Variants in ABCG2 observed in about 807,000 individuals in gnomAD.
The protein encoded by ABCG2 is broad substrate specificity ATP-binding cassette transporter ABCG2.
ABCG2 carries 80 observed loss-of-function variants against 73.5 expected under a neutral mutation model. That is an observed-to-expected ratio of 1.09 (90% CI 0.91 to 1.31). The LOEUF is 1.31. ABCG2 is among the 50% of genes most tolerant of loss of function. The pLI, the probability that ABCG2 is intolerant of heterozygous loss-of-function variation, is 0.00. For missense variants in ABCG2, 796 were observed against 786.2 expected, an observed-to-expected ratio of 1.01 and a Z score of -0.15; for synonymous variants, 269 against 282.4, an observed-to-expected ratio of 0.95 and a Z score of 0.48.
intron 1 of ABCG2, among the ~76,000 whole-genome samples, chr4:88,204,194 G>A (rs1174576901): frequency 6.6e-6 from 1 of 152,148 alleles, no homozygotes; most frequent in Admixed American, 6.5e-5. Context: ...GGCTGAGGCG[G>A]GCAGATCACG....
chr4:88,172,772 G>A (rs1429659999), intron 1 of ABCG2, among the ~76,000 whole-genome samples: 1 of 152,008 alleles, frequency 6.6e-6, no homozygotes, highest in Non-Finnish European at 1.5e-5. Context: ...GCCCAAGATG[G>A]AAATGTATTC....
intron 1 of ABCG2, among the ~76,000 whole-genome samples, chr4:88,198,962 GTA>G (rs559613101): frequency 1.8e-4 from 27 of 150,738 alleles, no homozygotes; most frequent in East Asian, 5.8e-4. Context: ...ATGTGTGTGT[GTA>G]TATATATATA....
chr4:88,205,671 T>TTTTA (rs146987121), intron 1 of ABCG2, among the ~76,000 whole-genome samples: 2,735 of 150,438 alleles, frequency 0.018, 28 homozygotes, highest in Middle Eastern at 0.038. Flanking sequence ...TCATTTTATC[T>TTTTA]TTTATTTATT....
chr4:88,198,327 C>T (rs1729020777), intron 1 of ABCG2, among the ~76,000 whole-genome samples: 2 of 150,936 alleles, frequency 1.3e-5, no homozygotes, highest in South Asian at 4.2e-4. Context: ...AGCAAGACTC[C>T]ATCTCCAAAA....
intron 2 of ABCG2, among the ~76,000 whole-genome samples, chr4:88,139,313 G>A (rs1427708794): frequency 1.3e-5 from 2 of 151,990 alleles, no homozygotes; most frequent in East Asian, 1.9e-4. Flanking sequence ...TTGTACAGTG[G>A]GACAATCATC....
intron 10 of ABCG2, among the ~76,000 whole-genome samples, chr4:88,103,208 A>G (rs1722556228): frequency 6.6e-6 from 1 of 152,254 alleles, no homozygotes; most frequent in South Asian, 2.1e-4. Context: ...ATTTCAGAAC[A>G]TGGAACATAG....
At chr4:88,218,896 G>A (rs1263992335) in intron 1 of ABCG2, among the ~76,000 whole-genome samples, 1 of 152,152 alleles carries the variant, frequency 6.6e-6, no homozygotes, top group Non-Finnish European at 1.5e-5. Context: ...TAGGCTTGTG[G>A]GCCATGCAGT....
chr4:88,219,705 C>T (rs1183142319), intron 1 of ABCG2, among the ~76,000 whole-genome samples: 2 of 151,070 alleles, frequency 1.3e-5, no homozygotes, highest in Non-Finnish European at 1.5e-5. Context: ...TCTCAGCCTC[C>T]CCAGCAGCTG....
intron 10 of ABCG2, 104 bp downstream of exon 10, chr4:88,107,080 G>T (rs751424169): frequency 6.0e-6 from 5 of 832,492 alleles, no homozygotes; most frequent in South Asian, 1.8e-5. Context: ...ATAAAAGAAT[G>T]ACATTTACAC....
intron 9 of ABCG2, 40 bp from the exon 10 acceptor site, chr4:88,107,306 CA>C: frequency 1.4e-6 from 2 of 1,405,954 alleles, no homozygotes; most frequent in Non-Finnish European, 2.0e-6. Flanking sequence ...GGAAGAGTTT[CA>C]ATTAGAGATA....
At chr4:88,215,844 A>C (rs1460635970) in intron 1 of ABCG2, among the ~76,000 whole-genome samples, 2 of 152,228 alleles carry the variant, frequency 1.3e-5, no homozygotes, top group Non-Finnish European at 2.9e-5. Context: ...GTTAGGCAGA[A>C]ACCTAACTCG....
intron 1 of ABCG2, among the ~76,000 whole-genome samples, chr4:88,148,419 G>A (rs1202461222): frequency 1.3e-5 from 2 of 152,096 alleles, no homozygotes; most frequent in Non-Finnish European, 2.9e-5. Context: ...TTCAGAGGGG[G>A]GCAGTAACAA....
intron 1 of ABCG2, among the ~76,000 whole-genome samples, chr4:88,181,101 T>C (rs1166426597): frequency 2.0e-5 from 3 of 152,086 alleles, no homozygotes; most frequent in African/African-American, 7.2e-5. Context: ...TAGGTTGTCA[T>C]CAGTTTAAAA....
intron 1 of ABCG2, among the ~76,000 whole-genome samples, chr4:88,150,241 C>T (rs962655710): frequency 1.3e-5 from 2 of 152,156 alleles, no homozygotes; most frequent in South Asian, 4.2e-4. Flanking sequence ...TGCTTGAACC[C>T]GGGAGGCAGA....
chr4:88,201,896 G>GTCAT (rs1489844604), intron 1 of ABCG2: 1 of 152,100 alleles, frequency 6.6e-6, no homozygotes, highest in African/African-American at 2.4e-5. Context: ...AGATCCACAA[G>GTCAT]TCATTCATAT....
chr4:88,173,060 A>T (rs1208455064), intron 1 of ABCG2, among the ~76,000 whole-genome samples: 1 of 152,194 alleles, frequency 6.6e-6, no homozygotes, highest in Non-Finnish European at 1.5e-5. Context: ...AGTATTTTTC[A>T]TTATTATGTA....
intron 1 of ABCG2, among the ~76,000 whole-genome samples, chr4:88,152,507 A>C (rs2110074169): frequency 6.6e-6 from 1 of 152,104 alleles, no homozygotes; most frequent in South Asian, 2.1e-4. Flanking sequence ...TCTGGTGGGC[A>C]GGGGTGGGGC....
At position 88,100,530 on chromosome 4, in the gene ABCG2, A is replaced by C. The variant is rs543185129; in HGVS notation, c.1367+700T>G. On this transcript the variant is annotated intron_variant, in intron 11 of 15. Transcript: ENST00000237612. Reference sequence around the variant, plus strand: ...TCAAAAAAAAAAAAAAAAGCTAGGCATGCCAGTTACTCAGGAGGCCGAGAT... The same window carrying C: ...TCAAAAAAAAAAAAAAAAGCTAGGCCTGCCAGTTACTCAGGAGGCCGAGAT... Among the ~76,000 whole-genome samples, 55 of 150,892 alleles carry C rather than the reference A, an allele frequency of 3.6e-4. 1 individual carries two copies. In the South Asian group the frequency reaches 9.9e-3, roughly 27 times the overall value.
intron 10 of ABCG2, among the ~76,000 whole-genome samples, chr4:88,106,031 G>A (rs1243030694): frequency 2.0e-5 from 3 of 152,056 alleles, no homozygotes; most frequent in African/African-American, 7.3e-5. Flanking sequence ...TGTGGAAGAC[G>A]GTATAGTAGT....
Sources: gnomAD v4.1 joint callset for allele counts (sites outside exome capture counted in the v4.1 genomes callset) on GRCh38, gnomAD v4.1.1 for gene constraint, MANE v1.5 for transcripts, NCBI Gene and HGNC (gene_info 2026-07-23, HGNC 2026-07-21) for gene names.